The following TTLL11 variants were observed in gnomAD, a reference collection of about 807,000 sequenced individuals.
The protein encoded by TTLL11 is tubulin tyrosine ligase like 11.
In TTLL11, 42 loss-of-function variants were observed where a neutral mutation model predicts 51.7. That is an observed-to-expected ratio of 0.81 (90% confidence interval 0.64 to 1.05). The LOEUF is 1.05. Among genes scored for constraint, TTLL11 ranks in the 50% least tolerant of loss-of-function variants. The pLI is 0.00. For synonymous variants in TTLL11, 381 were observed against 383.5 expected, an observed-to-expected ratio of 0.99 and a Z score of 0.08; for missense variants, 799 against 940.4, an observed-to-expected ratio of 0.85 and a Z score of 1.97.
At position 121,853,246 on chromosome 9, in the gene TTLL11, C is replaced by T. The variant is rs1837716569; in HGVS notation, c.1840+7091G>A. Among the ~76,000 whole-genome samples, 1 of 152,186 alleles carries T rather than the reference C, an allele frequency of 6.6e-6. No homozygotes were observed. Among genetic ancestry groups the T allele is most frequent in the Non-Finnish European group, 1.5e-5 (1 of 68,028 alleles). ...AGATGCCAGTCTCAGTGCTTGGCCT[C>T]ATGCAGGCGGGAACAGCTCTGTTTC... On this transcript the variant is annotated intron_variant, in intron 8 of 8. Coordinates refer to ENST00000321582, the MANE Select transcript of TTLL11 (RefSeq NM_001139442.2). This position sits in a 1 kb window ranked among gnomAD's most constrained non-coding sequence, Gnocchi z 5.6.
intron 3 of TTLL11, among the ~76,000 whole-genome samples, chr9:122,011,298 T>C (rs1401728976): frequency 2.6e-5 from 4 of 152,170 alleles, no homozygotes; most frequent in Non-Finnish European, 5.9e-5. Flanking sequence ...TCTTTATCAG[T>C]AGCATGAAAA....
In TTLL11 at chr9:122,005,967, GACTCTA is replaced by G. The variant is rs368607638; in HGVS notation, c.694-16203_694-16198del. ...CTGTATATAACATGAAGACAGCCTA[GACTCTA>G]ACTCCATGTTACATATAAAGTGTTT... On this transcript the variant is annotated intron_variant, in intron 3 of 8. Coordinates refer to ENST00000321582, the MANE Select transcript of TTLL11 (RefSeq NM_001139442.2). Among the ~76,000 whole-genome samples, 390 of 152,318 alleles carry G rather than the reference GACTCTA, an allele frequency of 2.6e-3. 1 individual carries two copies. The highest frequency in any genetic ancestry group is 8.8e-3 in the African/African-American group (366 of 41,568).
intron 1 of TTLL11, among the ~76,000 whole-genome samples, chr9:122,090,324 T>C (rs564474724): frequency 6.6e-6 from 1 of 152,154 alleles, no homozygotes; most frequent in South Asian, 2.1e-4. Context: ...TCACATAGCC[T>C]TCCTCCCCAA....
At chr9:121,938,654 T>A (rs887646322) in intron 6 of TTLL11, among the ~76,000 whole-genome samples, 4 of 152,100 alleles carry the variant, frequency 2.6e-5, no homozygotes, top group Non-Finnish European at 5.9e-5. Flanking sequence ...TATGAACAGA[T>A]AATTCATAGA....
intron 1 of TTLL11, among the ~76,000 whole-genome samples, chr9:122,048,074 A>G (rs910264708): frequency 3.1e-4 from 47 of 152,122 alleles, no homozygotes; most frequent in Non-Finnish European, 1.3e-4. Context: ...ATCTCTCACC[A>G]GCCTCCTCCC....
intron 6 of TTLL11, among the ~76,000 whole-genome samples, chr9:121,964,581 G>A (rs1224649840): frequency 6.6e-6 from 1 of 152,150 alleles, no homozygotes; most frequent in Non-Finnish European, 1.5e-5. Context: ...ACAGGTGTGA[G>A]CCACCGTGCC....
chr9:121,952,635 C>A (rs1002421780), intron 6 of TTLL11, among the ~76,000 whole-genome samples: 1 of 152,092 alleles, frequency 6.6e-6, no homozygotes, highest in Non-Finnish European at 1.5e-5. Flanking sequence ...GCCCCCCACA[C>A]ACTCTGTTCC....
At chr9:122,069,155 C>G (rs1377284387) in intron 1 of TTLL11, among the ~76,000 whole-genome samples, 1 of 151,478 alleles carries the variant, frequency 6.6e-6, no homozygotes, top group Non-Finnish European at 1.5e-5. Flanking sequence ...AATGCAAAAC[C>G]CCTTTGTGTT....
At chr9:122,072,599 G>A (rs1488767168) in intron 1 of TTLL11, among the ~76,000 whole-genome samples, 7 of 152,118 alleles carry the variant, frequency 4.6e-5, no homozygotes, top group East Asian at 1.9e-4. Flanking sequence ...AGCTGAGATC[G>A]TGCCACTGCA....
At chr9:122,026,072 A>G (rs1307355242) in intron 3 of TTLL11, among the ~76,000 whole-genome samples, 1 of 152,202 alleles carries the variant, frequency 6.6e-6, no homozygotes, top group Non-Finnish European at 1.5e-5. Flanking sequence ...AAAATTCTAC[A>G]AAGTGCAAAG....
At chr9:121,963,097 C>A (rs904609370) in intron 6 of TTLL11, among the ~76,000 whole-genome samples, 3 of 152,144 alleles carry the variant, frequency 2.0e-5, no homozygotes, top group East Asian at 3.9e-4. Context: ...CTCAACCTCT[C>A]CAAGCCTCGA....
At position 121,838,641 on chromosome 9, in the gene TTLL11, C is replaced by T. The variant is rs184782261; in HGVS notation, c.1841-15762G>A. Among the ~76,000 whole-genome samples the T allele has an allele frequency of 3.5e-3, 537 of 152,280 alleles. 4 individuals are homozygous for T. Among genetic ancestry groups the T allele is most frequent in the Admixed American group, 7.2e-3 (110 of 15,306 alleles). ...GGCTGAAGCACAAGAATCGCTTGAA[C>T]CCAGGAGGCGGAGGTTGCAGTGAGC... On this transcript the variant is annotated intron_variant, in intron 8 of 8. Coordinates refer to ENST00000321582, the MANE Select transcript of TTLL11 (RefSeq NM_001139442.2).
intron 1 of TTLL11, among the ~76,000 whole-genome samples, chr9:122,052,992 T>A (rs1351718642): frequency 6.6e-6 from 1 of 152,098 alleles, no homozygotes; most frequent in Non-Finnish European, 1.5e-5. Context: ...TTAGTCCAAT[T>A]AGAGAATATT....
intron 6 of TTLL11, among the ~76,000 whole-genome samples, chr9:121,923,300 A>G (rs1840603629): frequency 6.6e-6 from 1 of 152,246 alleles, no homozygotes. Context: ...TTTATGCCAT[A>G]ATATCATCCA....
intron 8 of TTLL11, among the ~76,000 whole-genome samples, chr9:121,833,057 G>C (rs1366269912): frequency 6.6e-6 from 1 of 152,218 alleles, no homozygotes; most frequent in Admixed American, 6.5e-5. Context: ...GCGAATGAGG[G>C]ATGGAGCCTC....
intron 8 of TTLL11, among the ~76,000 whole-genome samples, chr9:121,827,644 T>A (rs1325750948): frequency 6.6e-6 from 1 of 152,344 alleles, no homozygotes; most frequent in East Asian, 1.9e-4. Flanking sequence ...CATGAGCATA[T>A]GGGCCTCTGG....
intron 1 of TTLL11, among the ~76,000 whole-genome samples, chr9:122,072,568 C>T (rs914749745): frequency 2.6e-5 from 4 of 152,214 alleles, no homozygotes; most frequent in South Asian, 2.1e-4. Context: ...TGCTTGAACC[C>T]GGGAAGTGGA....
At position 121,944,547 on chromosome 9, in the gene TTLL11, ATTGACAGTAATGGTGTT is replaced by A. The variant is rs375648517; in HGVS notation, c.1481+29445_1481+29461del. On this transcript the variant is annotated intron_variant, in intron 6 of 8. Transcript: ENST00000321582. ...GAAAATATTGAGTTCCTTTAAGTGAATTGACAGTAATGGTGTTTTGTTTAATACATAATATACTTAAG... is the reference window on the plus strand; with the variant it reads ...GAAAATATTGAGTTCCTTTAAGTGAATTGTTTAATACATAATATACTTAAG... Among the ~76,000 whole-genome samples, 332 of 152,288 alleles carry A rather than the reference ATTGACAGTAATGGTGTT, an allele frequency of 2.2e-3. 1 individual carries two copies. The highest frequency in any genetic ancestry group is 7.7e-3 in the African/African-American group (321 of 41,558).
chr9:121,971,479 C>G (rs1219304609), intron 6 of TTLL11, among the ~76,000 whole-genome samples: 1 of 129,244 alleles, frequency 7.7e-6, no homozygotes. Context: ...CCAGCCGCCC[C>G]GTCCGGGAGG....
Sources: gnomAD v4.1 joint callset for allele counts (sites outside exome capture counted in the v4.1 genomes callset) on GRCh38, gnomAD v4.1.1 for gene constraint, Gnocchi (gnomAD v3.1) non-coding constraint, MANE v1.5 for transcripts, NCBI Gene and HGNC (gene_info 2026-07-23, HGNC 2026-07-21) for gene names.